The following MORC3 variants were observed in gnomAD, a reference collection of about 807,000 sequenced individuals.
MORC3 encodes MORC family CW-type zinc finger protein 3.
A neutral mutation model predicts 109.1 loss-of-function variants in MORC3; 31 were observed. That is an observed-to-expected ratio of 0.28 (90% CI 0.21 to 0.38). The LOEUF (loss-of-function observed/expected upper bound fraction) is 0.38, where lower values mean the gene tolerates loss of function less well. Ranked by LOEUF, MORC3 falls within the 10% of genes least tolerant of loss-of-function variation. MORC3 has a pLI of 1.00. For synonymous variants in MORC3, 395 were observed against 380.7 expected, an observed-to-expected ratio of 1.04 and a Z score of -0.44; for missense variants, 867 against 1,135.8, an observed-to-expected ratio of 0.76 and a Z score of 3.40.
intron 16 of MORC3, among the ~76,000 whole-genome samples, chr21:36,372,885 T>A (rs2072423761): frequency 1.3e-5 from 2 of 152,216 alleles, no homozygotes; most frequent in African/African-American, 4.8e-5. Context: ...TTACTGAAAC[T>A]CACTCCTTCA....
chr21:36,354,533 G>C (rs564701237), intron 9 of MORC3, among the ~76,000 whole-genome samples: 2 of 151,888 alleles, frequency 1.3e-5, no homozygotes, highest in African/African-American at 4.8e-5. Flanking sequence ...TTGAACTCCT[G>C]ACCTTGTGAT....
chr21:36,369,697 T>G lies in MORC3; in HGVS notation c.2329T>G (p.Leu777Val). ...DHMVSQYQQA[L>V]EEIERLKKQC... ...TATGGTATCTCAGTATCAGCAAGCT[T>G]TGGAAGAAATAGAAAGGCTGAAAAA... Residue 777 changes from leucine to valine, a missense_variant, in exon 15 of 17, where the codon TTG becomes GTG. Physicochemically the swap from Leu to Val is conservative, Grantham distance 32. Around this residue, in one of 7 missense-constraint regions of MORC3, gnomAD observed 486 missense variants for 502.1 expected, o/e 0.97. Transcript: ENST00000400485. The G allele has an allele frequency of 1.2e-6, 2 of 1,614,142 alleles. No homozygotes were observed. Among genetic ancestry groups the G allele is most frequent in the Non-Finnish European group, 1.7e-6 (2 of 1,180,026 alleles).
chr21:36,329,309 AAAAAG>A (rs757202034), intron 1 of MORC3, among the ~76,000 whole-genome samples: 5 of 149,802 alleles, frequency 3.3e-5, no homozygotes, highest in Non-Finnish European at 3.0e-5. Context: ...ACAAAAAAAA[AAAAAG>A]AAAGTTTACA....
intron 9 of MORC3, among the ~76,000 whole-genome samples, chr21:36,354,323 C>CTTTTTTTTTT (rs144208712): frequency 1.4e-4 from 16 of 113,648 alleles, no homozygotes; most frequent in East Asian, 5.2e-4. Flanking sequence ...TTCTTTCTTT[C>CTTTTTTTTTT]TTTTTTTTTT....
chr21:36,348,767 T>C (rs149523048), intron 8 of MORC3, among the ~76,000 whole-genome samples: 176 of 152,320 alleles, frequency 1.2e-3, no homozygotes, highest in Non-Finnish European at 2.0e-3. Flanking sequence ...AAATGGATAC[T>C]TGTCAACAAT....
At chr21:36,370,500 A>G (rs1301787942) in intron 15 of MORC3, among the ~76,000 whole-genome samples, 1 of 151,260 alleles carries the variant, frequency 6.6e-6, no homozygotes, top group Non-Finnish European at 1.5e-5. Context: ...GCTTTTAAGT[A>G]TAGTTAATCC....
At chr21:36,374,626 A>C (rs1322330888) in intron 16 of MORC3, among the ~76,000 whole-genome samples, 1 of 152,100 alleles carries the variant, frequency 6.6e-6, no homozygotes, top group East Asian at 1.9e-4. Context: ...CCCCATTGCT[A>C]CAAATAATAA....
At chr21:36,354,901 A>G (rs573162802) in intron 9 of MORC3, among the ~76,000 whole-genome samples, 2 of 152,262 alleles carry the variant, frequency 1.3e-5, no homozygotes, top group East Asian at 1.9e-4. Context: ...TGCAACATCC[A>G]TATCTTGAAA....
At chr21:36,340,481 G>A (rs1027402124) in intron 5 of MORC3, among the ~76,000 whole-genome samples, 18 of 151,702 alleles carry the variant, frequency 1.2e-4, no homozygotes, top group African/African-American at 4.4e-4. Flanking sequence ...CTATAATTTT[G>A]CCATTTTAAG....
At chr21:36,356,502 T>C in intron 9 of MORC3, 118 bp from the exon 10 acceptor site, 3 of 500,628 alleles carry the variant, frequency 6.0e-6, no homozygotes, top group Non-Finnish European at 1.0e-5. Flanking sequence ...GAATGTTCTT[T>C]ATTAACTATA....
At chr21:36,343,691 C>T (rs1358758600) in intron 6 of MORC3, among the ~76,000 whole-genome samples, 1 of 151,952 alleles carries the variant, frequency 6.6e-6, no homozygotes, top group Non-Finnish European at 1.5e-5. Context: ...TCGTGATCCG[C>T]CCGCCTCGGC....
In MORC3 at chr21:36,336,603, G is replaced by A. The variant is rs375403203; in HGVS notation, c.113-271G>A. On this transcript the variant is annotated intron_variant, in intron 2 of 16. Transcript: ENST00000400485. ...GATTTTTCTTCCTTTGTACTTCTTTGGTGTGCTGGGTACCAGTCTTTGCTG... is the reference window on the plus strand; with the variant it reads ...GATTTTTCTTCCTTTGTACTTCTTTAGTGTGCTGGGTACCAGTCTTTGCTG... Among the ~76,000 whole-genome samples the A allele has an allele frequency of 6.2e-3, 938 of 152,194 alleles. 4 individuals carry two copies. The highest frequency in any genetic ancestry group is 0.014 in the Middle Eastern group (4 of 294).
At chr21:36,358,503 C>G (rs1277082780) in intron 10 of MORC3, among the ~76,000 whole-genome samples, 1 of 152,068 alleles carries the variant, frequency 6.6e-6, no homozygotes, top group Non-Finnish European at 1.5e-5. Context: ...CGCCTGTAAT[C>G]CCTGCACTTT....
intron 1 of MORC3, among the ~76,000 whole-genome samples, chr21:36,328,169 G>T (rs376388040): frequency 6.6e-6 from 1 of 151,902 alleles, no homozygotes; most frequent in Admixed American, 6.6e-5. Context: ...GAGCCACCAC[G>T]CCCAGCTGTC....
intron 1 of MORC3, among the ~76,000 whole-genome samples, chr21:36,324,832 C>G (rs2085231730): frequency 6.6e-6 from 1 of 151,848 alleles, no homozygotes; most frequent in Admixed American, 6.6e-5. Flanking sequence ...CTCAGCCTCC[C>G]AAGTAGCTGG....
chr21:36,359,284 T>C (rs117724525), intron 10 of MORC3, among the ~76,000 whole-genome samples: 3,765 of 152,212 alleles, frequency 0.025, 65 homozygotes, highest in Admixed American at 0.046. Context: ...TTTTAATCTT[T>C]TGAAGGTAAC....
At chr21:36,320,402 CGCGGCGGCGGGGGCT>C (rs975726332) in intron 1 of MORC3, 99 bp downstream of exon 1, 20 of 1,158,484 alleles carry the variant, frequency 1.7e-5, no homozygotes, top group Non-Finnish European at 2.0e-5. Flanking sequence ...GTGGGGCCGA[CGCGGCGGCGGGGGCT>C]GCGGCGGGGC....
At position 36,372,266 on chromosome 21, in the gene MORC3, A is replaced by G. The variant is rs1043431320; in HGVS notation, c.2509-108A>G. The G allele has an allele frequency of 1.4e-5, 13 of 930,116 alleles. No homozygotes were observed. In the South Asian group the frequency reaches 3.0e-4, roughly 22 times the overall value. The allele number at this position is 930,116 out of a possible 1,614,324, so 57.6% of individuals were successfully genotyped here. On this transcript the variant is annotated intron_variant, in intron 15 of 16. Coordinates refer to ENST00000400485, the MANE Select transcript of MORC3 (RefSeq NM_015358.3). ...TTTTTCTTTGTGTATTTGTTTTTTGATAGTTGATAATGTTATCAAGCAGGT... is the reference window on the plus strand; with the variant it reads ...TTTTTCTTTGTGTATTTGTTTTTTGGTAGTTGATAATGTTATCAAGCAGGT...
intron 1 of MORC3, chr21:36,320,614 T>G: frequency 3.5e-6 from 1 of 288,542 alleles, no homozygotes; most frequent in Non-Finnish European, 6.4e-6. Context: ...CGGCGGGAGA[T>G]CGGTCTGCTC....
Sources: gnomAD v4.1 joint callset for allele counts (sites outside exome capture counted in the v4.1 genomes callset) on GRCh38, gnomAD v4.1.1 for gene constraint, gnomAD v4.1.1 regional missense constraint, MANE v1.5 for transcripts, NCBI Gene and HGNC (gene_info 2026-07-23, HGNC 2026-07-21) for gene names.